The following MARCHF3 variants were observed in gnomAD, a reference collection of about 807,000 sequenced individuals.
MARCHF3 encodes membrane associated ring-CH-type finger 3.
MARCHF3 carries 13 observed loss-of-function variants against 24.2 expected under a neutral mutation model. The ratio of observed to expected loss-of-function variants is 0.54; its 90% CI spans 0.35 to 0.85. The LOEUF (loss-of-function observed/expected upper bound fraction) is 0.85, where lower values mean the gene tolerates loss of function less well. Among genes scored for constraint, MARCHF3 ranks in the 40% least tolerant of loss-of-function variants. MARCHF3 has a pLI of 0.01. For missense variants in MARCHF3, 276 were observed against 325.0 expected, an observed-to-expected ratio of 0.85 and a Z score of 1.16; for synonymous variants, 144 against 137.3, an observed-to-expected ratio of 1.05 and a Z score of -0.34.
chr5:126,919,073 TAATCCATTACA>T (rs1264033056), intron 1 of MARCHF3, among the ~76,000 whole-genome samples: 1 of 152,160 alleles, frequency 6.6e-6, no homozygotes. Flanking sequence ...CAATTAAACA[TAATCCATTACA>T]AATAAGGGCC....
chr5:126,879,959 TTG>T (rs1753291987), intron 3 of MARCHF3, among the ~76,000 whole-genome samples: 1 of 152,044 alleles, frequency 6.6e-6, no homozygotes, highest in Non-Finnish European at 1.5e-5. Flanking sequence ...CACTGGCCAC[TTG>T]CAGCCCAAGT....
chr5:127,008,550 G>C (rs1752379350), intron 1 of MARCHF3, among the ~76,000 whole-genome samples: 1 of 152,232 alleles, frequency 6.6e-6, no homozygotes, highest in Admixed American at 6.5e-5. Context: ...AAATGGGAGG[G>C]ATACGATGGG....
intron 1 of MARCHF3, among the ~76,000 whole-genome samples, chr5:126,944,645 G>A (rs908052919): frequency 1.3e-5 from 2 of 152,156 alleles, no homozygotes; most frequent in Non-Finnish European, 2.9e-5. Flanking sequence ...ACCCTGAAGA[G>A]GTATGTTGAC....
chr5:126,918,149 T>G lies in MARCHF3; in HGVS notation c.23A>C (p.His8Pro). 6.2e-7 allele frequency: 1 copy of G among 1,613,794 alleles called. No homozygotes were observed. The highest frequency in any genetic ancestry group is 8.5e-7 in the Non-Finnish European group (1 of 1,179,956). The change falls in exon 2 of 5, where the codon CAC becomes CCC. Residue 8 changes from histidine to proline, a missense_variant. His to Pro is a moderately conservative substitution (Grantham distance 77). Coordinates refer to ENST00000308660, the MANE Select transcript of MARCHF3 (RefSeq NM_178450.5). MTTSRCSHLPEVLPDCTS... is the reference protein window; with the variant it reads MTTSRCSPLPEVLPDCTS... ...GCAGTCTGGCAGGACTTCGGGCAGG[T>G]GACTGCAGCGGCTGGTTGTCATGGT...
At chr5:127,016,460 G>A (rs553170272) in intron 1 of MARCHF3, among the ~76,000 whole-genome samples, 1 of 152,248 alleles carries the variant, frequency 6.6e-6, no homozygotes, top group East Asian at 1.9e-4. Flanking sequence ...GATATGAACA[G>A]ATACTTCTCA....
intron 3 of MARCHF3, among the ~76,000 whole-genome samples, chr5:126,899,454 C>A (rs1357617730): frequency 6.6e-6 from 1 of 151,988 alleles, no homozygotes; most frequent in African/African-American, 2.4e-5. Flanking sequence ...CACAACCATT[C>A]GTGAAAGGAG....
At chr5:127,010,990 A>G (rs546147576) in intron 1 of MARCHF3, among the ~76,000 whole-genome samples, 33 of 152,308 alleles carry the variant, frequency 2.2e-4, no homozygotes, top group African/African-American at 7.0e-4. Context: ...ACTGAACTGT[A>G]CATTTAAAAA....
intron 1 of MARCHF3, among the ~76,000 whole-genome samples, chr5:126,945,321 G>A (rs1749972825): frequency 6.6e-6 from 1 of 152,196 alleles, no homozygotes; most frequent in South Asian, 2.1e-4. Context: ...GGATAGAGAA[G>A]CAAAATACAA....
chr5:126,982,480 T>G (rs2126836915), intron 1 of MARCHF3, among the ~76,000 whole-genome samples: 1 of 152,320 alleles, frequency 6.6e-6, no homozygotes, highest in Admixed American at 6.5e-5. Flanking sequence ...GAGGGGAAGC[T>G]GACCTGCTTT....
chr5:126,906,259 A>G (rs2048213673), intron 3 of MARCHF3, among the ~76,000 whole-genome samples: 1 of 151,696 alleles, frequency 6.6e-6, no homozygotes, highest in Admixed American at 6.6e-5. Context: ...TTCATCAAGG[A>G]TATTGGTCTA....
At chr5:126,952,993 G>A (rs1322987471) in intron 1 of MARCHF3, among the ~76,000 whole-genome samples, 1 of 152,164 alleles carries the variant, frequency 6.6e-6, no homozygotes, top group African/African-American at 2.4e-5. Flanking sequence ...CTGAGAGAAG[G>A]AGATGCAAAG....
At chr5:127,003,799 A>C (rs574539126) in intron 1 of MARCHF3, among the ~76,000 whole-genome samples, 1 of 152,252 alleles carries the variant, frequency 6.6e-6, no homozygotes, top group Non-Finnish European at 1.5e-5. Context: ...AGGATCCCAC[A>C]AAAACGTTAC....
At chr5:126,992,072 C>A (rs1751782793) in intron 1 of MARCHF3, among the ~76,000 whole-genome samples, 1 of 152,178 alleles carries the variant, frequency 6.6e-6, no homozygotes, top group Non-Finnish European at 1.5e-5. Context: ...TTAGTTAATG[C>A]TGAGTGAACA....
intron 1 of MARCHF3, among the ~76,000 whole-genome samples, chr5:126,951,414 G>GT (rs1750227403): frequency 6.6e-6 from 1 of 152,086 alleles, no homozygotes; most frequent in Admixed American, 6.5e-5. Flanking sequence ...CTCAATACTT[G>GT]TATGTCCAAC....
chr5:126,958,420 T>G lies in MARCHF3; in HGVS notation c.-56-40193A>C, dbSNP rs1241513180. On this transcript the variant is annotated intron_variant, in intron 1 of 4. Transcript: ENST00000308660. ...ATGGTCTAGCTTGCTTACTTTTTCT[T>G]GAATTAAAGCTTTTTCTTTACAGAG... Among the ~76,000 whole-genome samples the G allele has an allele frequency of 2.6e-5, 4 of 152,210 alleles. No individual in the cohort carries two copies. The South Asian group carries it at 8.3e-4, about 31-fold the overall frequency.
rs901158615 is a variant in MARCHF3, at chr5:126,871,996, C to T, written c.604-1205G>A. ...AAAGGGCTGGGATTACAGGCGTGAG[C>T]CACTGTGTCCTGCCAAACCTCTCAT... On this transcript the variant is annotated intron_variant, in intron 4 of 4. Coordinates refer to ENST00000308660, the MANE Select transcript of MARCHF3 (RefSeq NM_178450.5). Among the ~76,000 whole-genome samples the T allele has an allele frequency of 2.6e-5, 4 of 151,852 alleles. No individual in the cohort carries two copies. The East Asian group carries it at 7.7e-4, about 29-fold the overall frequency.
At chr5:127,019,144 T>C (rs189917519) in intron 1 of MARCHF3, among the ~76,000 whole-genome samples, 2 of 152,348 alleles carry the variant, frequency 1.3e-5, no homozygotes, top group African/African-American at 4.8e-5. Flanking sequence ...TTAGGGTTTA[T>C]TGTGGTTCTA....
intron 1 of MARCHF3, among the ~76,000 whole-genome samples, chr5:126,919,967 A>G (rs1325050707): frequency 1.3e-5 from 2 of 152,236 alleles, no homozygotes; most frequent in East Asian, 3.8e-4. Flanking sequence ...GACCAGCAAT[A>G]CTGAACATTC....
chr5:127,015,723 A>G (rs551816388), intron 1 of MARCHF3, among the ~76,000 whole-genome samples: 6 of 152,386 alleles, frequency 3.9e-5, no homozygotes, highest in African/African-American at 1.4e-4. Flanking sequence ...TAGTGGATAC[A>G]GCAGTACATC....
Sources: allele counts gnomAD v4.1 joint callset (sites outside exome capture counted in the v4.1 genomes callset), GRCh38; gene constraint gnomAD v4.1.1; transcripts MANE v1.5; gene names NCBI Gene and HGNC (gene_info 2026-07-23, HGNC 2026-07-21).